The following CNTN5 variants were observed in gnomAD, a reference collection of about 807,000 sequenced individuals.
The protein encoded by CNTN5 is contactin 5, also known as contactin-5.
A neutral mutation model predicts 129.1 loss-of-function variants in CNTN5; 77 were observed. The ratio of observed to expected loss-of-function variants is 0.60; its 90% confidence interval spans 0.50 to 0.72. The LOEUF (loss-of-function observed/expected upper bound fraction) is 0.72, where lower values mean the gene tolerates loss of function less well. CNTN5 is among the 30% of genes least tolerant of loss of function. The pLI, the probability that CNTN5 is intolerant of heterozygous loss-of-function variation, is 0.00. For missense variants in CNTN5, 1,478 were observed against 1,328.8 expected (o/e 1.11, Z -1.75); for synonymous variants, 509 against 465.6 (o/e 1.09, Z -1.20).
At chr11:99,138,333 G>A (rs7119004) in intron 1 of CNTN5, among the ~76,000 whole-genome samples, 136,844 of 152,092 alleles carry the variant, frequency 0.9, 61,765 homozygotes, top group East Asian at 0.99. Flanking sequence ...GAAATGTTAA[G>A]CAGAGGTAAA....
intron 18 of CNTN5, among the ~76,000 whole-genome samples, chr11:100,284,579 A>C (rs1225214564): frequency 6.6e-6 from 1 of 152,240 alleles, no homozygotes; most frequent in East Asian, 1.9e-4. Context: ...TGAAATGGAA[A>C]AATACATAAA....
intron 13 of CNTN5, among the ~76,000 whole-genome samples, chr11:100,152,843 A>T (rs1947114481): frequency 6.6e-6 from 1 of 152,128 alleles, no homozygotes; most frequent in Non-Finnish European, 1.5e-5. Flanking sequence ...ACAGATGAGG[A>T]AACTAAGGTT....
At chr11:100,116,318 A>G (rs1036427867) in intron 13 of CNTN5, among the ~76,000 whole-genome samples, 1 of 152,024 alleles carries the variant, frequency 6.6e-6, no homozygotes, top group Non-Finnish European at 1.5e-5. Flanking sequence ...GTATTAATAA[A>G]CCAGTTAAGC....
At chr11:99,202,175 A>G (rs149799025) in intron 1 of CNTN5, among the ~76,000 whole-genome samples, 239 of 152,310 alleles carry the variant, frequency 1.6e-3, no homozygotes, top group Non-Finnish European at 2.5e-3. Flanking sequence ...GGGGCTTTAA[A>G]AAGTTGCTGA....
intron 1 of CNTN5, among the ~76,000 whole-genome samples, chr11:99,272,298 C>CT (rs766257853): frequency 0.099 from 14,324 of 144,556 alleles, 711 homozygotes; most frequent in Middle Eastern, 0.12. Flanking sequence ...AGTAAGCAGT[C>CT]TTTTTTTTTT....
chr11:99,165,703 C>T (rs1276967562), intron 1 of CNTN5, among the ~76,000 whole-genome samples: 1 of 152,080 alleles, frequency 6.6e-6, no homozygotes, highest in African/African-American at 2.4e-5. Context: ...CATTTTCCCA[C>T]TTTGTTTCAG....
At chr11:99,918,846 A>G (rs150200953) in intron 7 of CNTN5, among the ~76,000 whole-genome samples, 2 of 152,160 alleles carry the variant, frequency 1.3e-5, no homozygotes, top group East Asian at 1.9e-4. Flanking sequence ...AACTTTCCCA[A>G]CAGTCCTTAT....
intron 19 of CNTN5, 137 bp from the exon 20 acceptor site, chr11:100,299,025 T>G (rs1456616189): frequency 1.5e-5 from 8 of 544,842 alleles, no homozygotes; most frequent in Non-Finnish European, 2.2e-5. Context: ...TGTACTATTT[T>G]GGCTTCCAAT....
At chr11:99,794,383 C>T (rs1291119463) in intron 3 of CNTN5, among the ~76,000 whole-genome samples, 1 of 152,030 alleles carries the variant, frequency 6.6e-6, no homozygotes. Context: ...TCCAACTTTC[C>T]ATTCTGTGCC....
chr11:99,490,920 T>C (rs1267725641), intron 2 of CNTN5, among the ~76,000 whole-genome samples: 7 of 151,942 alleles, frequency 4.6e-5, no homozygotes, highest in Non-Finnish European at 1.0e-4. Context: ...GTTGCCCTTG[T>C]GTGGGGTTAC....
At chr11:99,248,843 T>C (rs1446143360) in intron 1 of CNTN5, among the ~76,000 whole-genome samples, 1 of 152,148 alleles carries the variant, frequency 6.6e-6, no homozygotes, top group Non-Finnish European at 1.5e-5. Context: ...TTGGTACCAG[T>C]ACCATGCTGT....
At chr11:99,966,768 T>A (rs10894193) in intron 8 of CNTN5, among the ~76,000 whole-genome samples, 32,205 of 152,022 alleles carry the variant, frequency 0.21, 3,877 homozygotes, top group African/African-American at 0.32. Flanking sequence ...AAGTGACTCC[T>A]TCTAATACTT....
chr11:100,077,120 T>G (rs2137905393), intron 13 of CNTN5, among the ~76,000 whole-genome samples: 1 of 152,264 alleles, frequency 6.6e-6, no homozygotes, highest in Admixed American at 6.5e-5. Flanking sequence ...TGAGGAAATT[T>G]TAGATTGCTT....
intron 6 of CNTN5, among the ~76,000 whole-genome samples, chr11:99,878,292 A>C (rs1948685164): frequency 6.6e-6 from 1 of 152,024 alleles, no homozygotes; most frequent in African/African-American, 2.4e-5. Flanking sequence ...CTTTTACACT[A>C]CTTCTTCTGT....
chr11:100,244,992 A>T (rs1221122591), intron 16 of CNTN5, among the ~76,000 whole-genome samples: 1 of 152,202 alleles, frequency 6.6e-6, no homozygotes, highest in African/African-American at 2.4e-5. Flanking sequence ...CAACTAAAGG[A>T]TTTCTCAGTT....
At chr11:100,260,015 T>A (rs879029639) in intron 17 of CNTN5, among the ~76,000 whole-genome samples, 5 of 151,958 alleles carry the variant, frequency 3.3e-5, no homozygotes, top group African/African-American at 1.2e-4. Flanking sequence ...AGCTGGTGTT[T>A]TGAAAAGATT....
intron 2 of CNTN5, among the ~76,000 whole-genome samples, chr11:99,387,493 C>A (rs2136177554): frequency 6.6e-6 from 1 of 152,202 alleles, no homozygotes; most frequent in Admixed American, 6.5e-5. Flanking sequence ...TAAATGATTT[C>A]AAACCATTTA....
chr11:100,132,695 T>TA (rs1946412034), intron 13 of CNTN5, among the ~76,000 whole-genome samples: 1 of 152,100 alleles, frequency 6.6e-6, no homozygotes, highest in Non-Finnish European at 1.5e-5. Flanking sequence ...AACTAAGCAA[T>TA]AAAATCCCCA....
At chr11:100,117,036 C>T (rs970801035) in intron 13 of CNTN5, among the ~76,000 whole-genome samples, 1 of 151,862 alleles carries the variant, frequency 6.6e-6, no homozygotes, top group African/African-American at 2.4e-5. Context: ...GTCAGCACTA[C>T]TTGCTTGCTT....
Sources: gnomAD v4.1 joint callset for allele counts (sites outside exome capture counted in the v4.1 genomes callset) on GRCh38, gnomAD v4.1.1 for gene constraint, MANE v1.5 for transcripts, NCBI Gene and HGNC (gene_info 2026-07-23, HGNC 2026-07-21) for gene names.